Variants in TMEM168 observed in about 807,000 individuals in gnomAD.
TMEM168 encodes transmembrane protein 168.
TMEM168 carries 40 observed loss-of-function variants against 53.2 expected under a neutral mutation model. That is an observed-to-expected ratio of 0.75 (90% CI 0.58 to 0.98). The LOEUF (loss-of-function observed/expected upper bound fraction) is 0.98, where lower values mean the gene tolerates loss of function less well. Among genes scored for constraint, TMEM168 ranks in the 50% least tolerant of loss-of-function variants. The probability of loss-of-function intolerance (pLI) is 0.00; values close to 1 mark genes in which losing one functional copy is unlikely to be tolerated. For missense variants in TMEM168, 771 were observed against 828.8 expected (o/e 0.93, Z 0.86); for synonymous variants, 282 against 293.0 (o/e 0.96, Z 0.38).
Position 112,784,276 on chromosome 7 carries a change from C to T in TMEM168, c.550G>A (p.Val184Ile). ...ATAATCAGCATAGCCAGAGCTACAA[C>T]AAGCAAAATGACACTCAGAGACTTC... ...VEKSLSVILL[V>I]VALAMLIIDL... Residue 184 changes from valine (V) to isoleucine (I), a missense_variant, in exon 2 of 5, where the codon GTT becomes ATT. Coordinates refer to ENST00000312814, the MANE Select transcript of TMEM168 (RefSeq NM_022484.6). The T allele has an allele frequency of 1.2e-5, 20 of 1,614,116 alleles. No individual in the cohort carries two copies. The highest frequency in any genetic ancestry group is 1.7e-5 in the Non-Finnish European group (20 of 1,180,006).
At chr7:112,786,962 G>A (rs902120831) in intron 1 of TMEM168, among the ~76,000 whole-genome samples, 4 of 152,064 alleles carry the variant, frequency 2.6e-5, no homozygotes, top group African/African-American at 4.8e-5. Context: ...TTATATCTCC[G>A]AATATAAGGA....
chr7:112,762,548 C>T lies in TMEM168; in HGVS notation c.*4649G>A, dbSNP rs1792690401. On this transcript the variant is annotated 3_prime_UTR_variant, in exon 5 of 5. Coordinates refer to ENST00000312814, the MANE Select transcript of TMEM168 (RefSeq NM_022484.6). The stretch of plus-strand genomic sequence containing the variant: ...ATAAATCAATGTCTTTTAGGCTAGA[C>T]CAAATAAAAACAAAAGCTTACTAAA... The T allele has an allele frequency of 6.6e-6, 1 of 151,852 alleles. No individual in the cohort carries two copies. Among genetic ancestry groups the T allele is most frequent in the Non-Finnish European group, 1.5e-5 (1 of 67,890 alleles). 9.4% of individuals were successfully genotyped at this position (151,852 alleles called of 1,614,324 possible). A position where few individuals can be genotyped will look rare whatever the true frequency, so the allele number is the denominator to read the frequency against.
In TMEM168 at chr7:112,772,864, C is replaced by T. The variant is rs757036503; in HGVS notation, c.1463G>A (p.Arg488Gln). The T allele has an allele frequency of 4.3e-6, 7 of 1,613,864 alleles. No homozygotes were observed. The highest frequency in any genetic ancestry group is 1.6e-4 in the Middle Eastern group (1 of 6,084). ...HSKLKAFLELRTVDGPRHDTY... is the reference protein window; with the variant it reads ...HSKLKAFLELQTVDGPRHDTY... ...ATCATGTCTGGGTCCATCCACTGTCCGAAGTTCGAGGAAAGCTTTTAGTTT... is the reference window on the plus strand; with the variant it reads ...ATCATGTCTGGGTCCATCCACTGTCTGAAGTTCGAGGAAAGCTTTTAGTTT... Residue 488 changes from arginine (R) to glutamine (Q), a missense_variant, in exon 4 of 5, where the codon CGG becomes CAG. Coordinates refer to ENST00000312814, the MANE Select transcript of TMEM168 (RefSeq NM_022484.6).
intron 4 of TMEM168, 75 bp from the exon 5 acceptor site, chr7:112,767,819 C>T (rs1792827184): frequency 4.4e-6 from 6 of 1,353,230 alleles, no homozygotes; most frequent in Non-Finnish European, 5.0e-6. Context: ...TAATCATTTT[C>T]TTCTAGAGAG....
intron 3 of TMEM168, among the ~76,000 whole-genome samples, chr7:112,774,706 G>A (rs1412756823): frequency 6.6e-6 from 1 of 151,694 alleles, no homozygotes; most frequent in African/African-American, 2.4e-5. Flanking sequence ...TCAGCCTCCT[G>A]AGTAGCTGGG....
rs189578509 is a variant in TMEM168, at chr7:112,780,374, C to A, written c.1128+3324G>T. Among the ~76,000 whole-genome samples the A allele has an allele frequency of 5.3e-3, 807 of 152,324 alleles. 3 individuals carry two copies. Among genetic ancestry groups the A allele is most frequent in the African/African-American group, 0.018 (746 of 41,578 alleles). On this transcript the variant is annotated intron_variant, in intron 2 of 4. Transcript: ENST00000312814. ...AAATAAAAGCTTATGTTAACACAAA[C>A]CCTTGTCTACAAAGGTTTATAGCAG...
chr7:112,777,584 T>C (rs1793118515), intron 2 of TMEM168, among the ~76,000 whole-genome samples: 1 of 152,234 alleles, frequency 6.6e-6, no homozygotes, highest in African/African-American at 2.4e-5. Flanking sequence ...CATACTGCTC[T>C]TTCATGCTGC....
Position 112,770,685 on chromosome 7 carries a change from C to T in TMEM168, c.1546+2096G>A, listed in dbSNP as rs1442484302. 3.3e-5 allele frequency among the ~76,000 whole-genome samples: 5 copies of T among 152,010 alleles called. No homozygotes were observed. In the East Asian group the frequency reaches 9.6e-4, roughly 29 times the overall value. On this transcript the variant is annotated intron_variant, in intron 4 of 4. Transcript: ENST00000312814. The stretch of plus-strand genomic sequence containing the variant: ...GCTGATATAAGTATTAGTAAATGAA[C>T]ATCTAGAATTGATTTCCATAGCTAT...
rs547281754 is a variant in TMEM168 at position 112,784,947 on chromosome 7, T to C, written c.-122A>G. 3.5e-5 allele frequency: 29 copies of C among 819,202 alleles called. No homozygotes were observed. Among genetic ancestry groups the C allele is most frequent in the Non-Finnish European group, 4.7e-5 (27 of 578,866 alleles). 50.7% of individuals were successfully genotyped at this position (819,202 alleles called of 1,614,324 possible). On this transcript the variant is annotated 5_prime_UTR_variant, in exon 2 of 5. Transcript: ENST00000312814. ...TTTTCTCTTGTGGAAATTTTGTTTA[T>C]AGTGATCTAAAAAGAAGAAAACAAT...
chr7:112,784,111 G>A lies in TMEM168; in HGVS notation c.715C>T (p.Leu239Phe). Residue 239 changes from leucine (L) to phenylalanine (F), a missense_variant, in exon 2 of 5, where the codon CTT (leucine) becomes TTT (phenylalanine). Leu to Phe is a conservative substitution (Grantham distance 22). Coordinates refer to ENST00000312814, the MANE Select transcript of TMEM168 (RefSeq NM_022484.6). ...GAAAGTCCACTAAAATAAATGTCAA[G>A]GAAAGGATCAGTTATCAGGCAAATA... ...FFICLITDPFLDIYFSGLSVT... is the reference protein window; with the variant it reads ...FFICLITDPFFDIYFSGLSVT... 2 of 1,613,706 alleles carry A rather than the reference G, an allele frequency of 1.2e-6. No individual in the cohort carries two copies. The highest frequency in any genetic ancestry group is 1.7e-6 in the Non-Finnish European group (2 of 1,179,934).
intron 4 of TMEM168, among the ~76,000 whole-genome samples, chr7:112,771,113 T>G (rs73438308): frequency 6.6e-6 from 1 of 152,328 alleles, no homozygotes; most frequent in African/African-American, 2.4e-5. Context: ...ATTAAAAAGT[T>G]ATAGGTCAAG....
intron 1 of TMEM168, among the ~76,000 whole-genome samples, chr7:112,786,712 G>A (rs1446380983): frequency 1.3e-5 from 2 of 152,080 alleles, no homozygotes; most frequent in Non-Finnish European, 2.9e-5. Flanking sequence ...ACTGAACACT[G>A]CTGGACGGGG....
intron 3 of TMEM168, 90 bp downstream of exon 3, chr7:112,775,086 T>G (rs1217141983): frequency 8.9e-7 from 1 of 1,120,110 alleles, no homozygotes. Flanking sequence ...TTGAAAACAG[T>G]TTTGAAAAGG....
intron 1 of TMEM168, among the ~76,000 whole-genome samples, chr7:112,786,503 CCACA>C (rs1793383681): frequency 6.6e-6 from 1 of 152,032 alleles, no homozygotes; most frequent in Non-Finnish European, 1.5e-5. Flanking sequence ...TCTTAAGGTA[CCACA>C]TAATGTTAAA....
In TMEM168 at chr7:112,767,368, TAAC is replaced by T. The variant is rs1301595440; in HGVS notation, c.1920_1922del (p.Met640_Leu641delinsIle). On this transcript the variant is annotated inframe_deletion, in exon 5 of 5. Transcript: ENST00000312814. ...GGGGATATGTAATACGAGGAAAGTGTAACATCCAGTGCTTGGCCACATCGCTTC... is the reference window on the plus strand; with the variant it reads ...GGGGATATGTAATACGAGGAAAGTGTATCCAGTGCTTGGCCACATCGCTTC... 1.2e-6 allele frequency: 2 copies of T among 1,614,196 alleles called. No individual in the cohort carries two copies. Among genetic ancestry groups the T allele is most frequent in the African/African-American group, 1.3e-5 (1 of 75,062 alleles).
rs761462770 is a variant in TMEM168 at position 112,784,483 on chromosome 7, T to A, written c.343A>T (p.Lys115Ter). 5 of 1,614,088 alleles carry A rather than the reference T, an allele frequency of 3.1e-6. No individual in the cohort carries two copies. The highest frequency in any genetic ancestry group is 4.2e-6 in the Non-Finnish European group (5 of 1,179,994). The change falls in exon 2 of 5, where the codon AAA (lysine) becomes TAA (stop). Residue 115 changes from lysine (K) to a stop codon, truncating the protein, a stop_gained. Coordinates refer to ENST00000312814, the MANE Select transcript of TMEM168 (RefSeq NM_022484.6). LOFTEE classifies it high-confidence loss of function. The stretch of plus-strand genomic sequence containing the variant: ...GTTGATTCTTCTTTTACATCATTTT[T>A]AAAGGATGAATTATCAAGAAAACAT... ...LLCFLDNSSF[K>*]NDVKEESTKY...
At chr7:112,771,505 G>C (rs969923138) in intron 4 of TMEM168, among the ~76,000 whole-genome samples, 2 of 152,148 alleles carry the variant, frequency 1.3e-5, no homozygotes, top group Admixed American at 1.3e-4. Context: ...AGTACAGTAA[G>C]CTGATGCTTA....
Position 112,772,789 on chromosome 7 carries a change from G to A in TMEM168, c.1538C>T (p.Ala513Val). 6.2e-7 allele frequency: 1 copy of A among 1,611,434 alleles called. No individual in the cohort carries two copies. The highest frequency in any genetic ancestry group is 8.5e-7 in the Non-Finnish European group (1 of 1,177,828). ...SGHTHGTGEW[A>V]LAGGDTLRLD... ...GCCAAAGGTGAGTTTACCTGCTAGA[G>A]CCCACTCTCCTGTACCATGGGTGTG... The change falls in exon 4 of 5, where the codon GCT (alanine) becomes GTT (valine). Residue 513 changes from alanine (A) to valine (V), a missense_variant. Transcript: ENST00000312814.
In TMEM168 at chr7:112,784,131, C is replaced by A; in HGVS notation, c.695G>T (p.Cys232Phe). The stretch of plus-strand genomic sequence containing the variant: ...GTCAAGGAAAGGATCAGTTATCAGG[C>A]AAATAAAAAAACACGCAAAAGCAAT... The part of the protein sequence containing the change: ...NPIAFACFFI[C>F]LITDPFLDIY... Residue 232 changes from cysteine to phenylalanine, a missense_variant, in exon 2 of 5, where the codon TGC becomes TTC. By Grantham distance (205) the Cys-to-Phe change is radical. Transcript: ENST00000312814. 3.7e-6 allele frequency: 6 copies of A among 1,613,718 alleles called. No homozygotes were observed. Among genetic ancestry groups the A allele is most frequent in the Non-Finnish European group, 5.1e-6 (6 of 1,179,954 alleles).
Sources: allele counts gnomAD v4.1 joint callset (sites outside exome capture counted in the v4.1 genomes callset), GRCh38; gene constraint gnomAD v4.1.1; transcripts MANE v1.5; gene names NCBI Gene and HGNC (gene_info 2026-07-23, HGNC 2026-07-21).